The following CPAMD8 variants were observed in gnomAD, a reference collection of about 807,000 sequenced individuals.
CPAMD8 encodes C3 and PZP like alpha-2-macroglobulin domain containing 8.
In CPAMD8, 146 loss-of-function variants were observed where a neutral mutation model predicts 224.7. The ratio of observed to expected loss-of-function variants is 0.65; its 90% CI spans 0.57 to 0.75. The LOEUF (loss-of-function observed/expected upper bound fraction) is 0.75. Among genes scored for constraint, CPAMD8 ranks in the 30% least tolerant of loss-of-function variants. The probability of loss-of-function intolerance (pLI) is 0.00; values close to 1 mark genes in which losing one functional copy is unlikely to be tolerated. For synonymous variants in CPAMD8, 966 were observed against 1,044.6 expected, an observed-to-expected ratio of 0.92 and a Z score of 1.45; for missense variants, 2,301 against 2,537.5, an observed-to-expected ratio of 0.91 and a Z score of 2.00.
At chr19:16,955,068 C>T (rs980045088) in intron 19 of CPAMD8, among the ~76,000 whole-genome samples, 2 of 152,194 alleles carry the variant, frequency 1.3e-5, no homozygotes, top group African/African-American at 2.4e-5. Context: ...GCAGAGTTTG[C>T]AGTGAGCCGA....
rs761787467 is a variant in CPAMD8 at position 16,921,921 on chromosome 19, C to T, written c.3613G>A (p.Ala1205Thr). The change falls in exon 27 of 42, where the codon GCA (alanine) becomes ACA (threonine). Residue 1205 changes from alanine to threonine, a missense_variant. Physicochemically the swap from Ala to Thr is moderately conservative, Grantham distance 58 (BLOSUM62 0). Transcript: ENST00000443236. ...GSYSAFGERD[A>T]SGSMWLTAFV... Reference sequence around the variant, plus strand: ...GGGACTCACCACATGCTCCCCGATGCGTCCCGCTCCCCAAACGCGCTGTAG... The same window carrying T: ...GGGACTCACCACATGCTCCCCGATGTGTCCCGCTCCCCAAACGCGCTGTAG... 1.6e-5 allele frequency: 24 copies of T among 1,544,884 alleles called. No individual in the cohort carries two copies. The highest frequency in any genetic ancestry group is 5.5e-5 in the African/African-American group (4 of 73,016).
intron 15 of CPAMD8, 77 bp downstream of exon 15, chr19:16,977,291 C>A: frequency 2.2e-6 from 2 of 917,576 alleles, no homozygotes; most frequent in South Asian, 2.8e-5. Context: ...CAGGTGTGCA[C>A]AGACCCCCTG....
intron 13 of CPAMD8, among the ~76,000 whole-genome samples, chr19:16,987,203 T>G (rs1254196699): frequency 1.6e-5 from 2 of 128,420 alleles, no homozygotes; most frequent in Non-Finnish European, 3.2e-5. Flanking sequence ...TATATATATA[T>G]ATATATGTAT....
chr19:17,001,980 AC>A (rs1394421475), intron 9 of CPAMD8, among the ~76,000 whole-genome samples: 1 of 149,646 alleles, frequency 6.7e-6, no homozygotes, highest in East Asian at 2.0e-4. Context: ...GGAGGAGGAC[AC>A]CCCAGGGAGG....
At chr19:16,904,176 A>AGCCCCCCCCCCCCCCC in intron 32 of CPAMD8, 50 bp downstream of exon 32, 4 of 937,334 alleles carry the variant, frequency 4.3e-6, no homozygotes, top group Non-Finnish European at 6.7e-6. Context: ...GACTGCAGGG[A>AGCCCCCCCCCCCCCCC]CCCCACCCAC....
intron 17 of CPAMD8, among the ~76,000 whole-genome samples, chr19:16,972,112 C>T (rs116866928): frequency 0.021 from 3,204 of 152,178 alleles, 54 homozygotes; most frequent in Non-Finnish European, 0.03. Context: ...AATCAGTTGG[C>T]GCAGTACCTG....
At chr19:16,925,126 G>A (rs977343556) in intron 26 of CPAMD8, 70 bp downstream of exon 26, 98 of 1,547,438 alleles carry the variant, frequency 6.3e-5, no homozygotes, top group Non-Finnish European at 8.1e-5. Flanking sequence ...CTCCAGCGTG[G>A]TCTTCTCCAC....
intron 20 of CPAMD8, among the ~76,000 whole-genome samples, chr19:16,950,047 C>T (rs2054248675): frequency 6.6e-6 from 1 of 152,144 alleles, no homozygotes; most frequent in African/African-American, 2.4e-5. Context: ...CCTGTAATCC[C>T]AGCATTTTGG....
rs145652633 is a variant in CPAMD8, at chr19:16,951,420, C to T, written c.2508+549G>A. Among the ~76,000 whole-genome samples the T allele has an allele frequency of 8.1e-4, 123 of 152,214 alleles. 1 individual carries two copies. In the Middle Eastern group the frequency reaches 0.014, roughly 17 times the overall value. ...TGACAGGTGAAAATTCTATGGAGTT[C>T]GGATTTCAGTGTCTAGAAATCAAGT... is the stretch of plus-strand genomic sequence containing the variant. On this transcript the variant is annotated intron_variant, in intron 20 of 41. Transcript: ENST00000443236.
intron 6 of CPAMD8, chr19:17,009,084 G>A (rs528185319): frequency 4.0e-5 from 25 of 621,072 alleles, no homozygotes; most frequent in Admixed American, 9.8e-5. Flanking sequence ...GTGATAGAGC[G>A]AGACTCCATT....
chr19:16,981,321 AC>A, intron 13 of CPAMD8, among the ~76,000 whole-genome samples: 1 of 152,202 alleles, frequency 6.6e-6, no homozygotes, highest in African/African-American at 2.4e-5. Flanking sequence ...TGATCGCACC[AC>A]TGCACTCCAG....
At chr19:17,012,655 A>G (rs1185741235) in intron 3 of CPAMD8, among the ~76,000 whole-genome samples, 1 of 152,218 alleles carries the variant, frequency 6.6e-6, no homozygotes, top group Non-Finnish European at 1.5e-5. Context: ...GCTTTCAGCC[A>G]TGCTGAGGCT....
In CPAMD8 at chr19:16,983,307, C is replaced by G. The variant is rs145130859; in HGVS notation, c.1396-2621G>C. Among the ~76,000 whole-genome samples the G allele has an allele frequency of 6.4e-3, 969 of 152,154 alleles. 5 individuals carry two copies. The highest frequency in any genetic ancestry group is 0.022 in the African/African-American group (921 of 41,534). On this transcript the variant is annotated intron_variant, in intron 13 of 41. Coordinates refer to ENST00000443236, the MANE Select transcript of CPAMD8 (RefSeq NM_015692.5). ...ATCCCAGCCCAGGAGGCTGAGGCAGCAAAATTGCTTGAACCTGAGAGGCAG... is the reference window on the plus strand; with the variant it reads ...ATCCCAGCCCAGGAGGCTGAGGCAGGAAAATTGCTTGAACCTGAGAGGCAG...
At chr19:17,003,970 G>A (rs1473608843) in intron 8 of CPAMD8, among the ~76,000 whole-genome samples, 1 of 150,354 alleles carries the variant, frequency 6.7e-6, no homozygotes, top group African/African-American at 2.4e-5. Flanking sequence ...GCAGTAGTGC[G>A]ATCTTGGCTC....
chr19:16,930,372 T>C lies in CPAMD8; in HGVS notation c.2846-1132A>G, dbSNP rs1198946059. Among the ~76,000 whole-genome samples the C allele has an allele frequency of 2.6e-5, 4 of 152,068 alleles. No homozygotes were observed. In the East Asian group the frequency reaches 5.8e-4, roughly 22 times the overall value. On this transcript the variant is annotated intron_variant, in intron 23 of 41. Coordinates refer to ENST00000443236, the MANE Select transcript of CPAMD8 (RefSeq NM_015692.5). ...TGATATGAGTATCAGGAAACATAAA[T>C]GCACCAATTATTATGTGGGGAGAGG...
Position 16,929,227 on chromosome 19 carries a change from G to A in CPAMD8, c.2859C>T (p.Ile953=), listed in dbSNP as rs375563538. The change falls in exon 24 of 42, where the codon ATC becomes ATT. Residue 953 remains isoleucine (I), a synonymous_variant. Transcript: ENST00000443236. ...AFFCPSERVH[I]STPNKYEFQY... ...GGAACTCATACTTGTTGGGGGTGGA[G>A]ATGTGGACTCTCTCTGGATGGAGGA... 7 of 1,604,866 alleles carry A rather than the reference G, an allele frequency of 4.4e-6. No homozygotes were observed. Among genetic ancestry groups the A allele is most frequent in the Non-Finnish European group, 5.1e-6 (6 of 1,173,116 alleles).
intron 19 of CPAMD8, among the ~76,000 whole-genome samples, chr19:16,952,545 C>A (rs2054332334): frequency 6.6e-6 from 1 of 152,048 alleles, no homozygotes. Flanking sequence ...GGTATAGTGA[C>A]ACATGCCTGT....
intron 14 of CPAMD8, among the ~76,000 whole-genome samples, chr19:16,978,133 G>A (rs2122730157): frequency 6.6e-6 from 1 of 152,334 alleles, no homozygotes; most frequent in Non-Finnish European, 1.5e-5. Flanking sequence ...CCATCTGTCA[G>A]CTGGTTCTGT....
Position 16,911,097 on chromosome 19 carries a change from C to T in CPAMD8, c.3861+3327G>A, listed in dbSNP as rs538802515. Among the ~76,000 whole-genome samples, 14 of 152,178 alleles carry T rather than the reference C, an allele frequency of 9.2e-5. No individual in the cohort carries two copies. In the East Asian group the frequency reaches 1.3e-3, roughly 15 times the overall value. On this transcript the variant is annotated intron_variant, in intron 29 of 41. Coordinates refer to ENST00000443236, the MANE Select transcript of CPAMD8 (RefSeq NM_015692.5). ...AGCAGGTTTTGCCTCCTTTGGGGAACGATCTAAGACAGGGGTCCCCAACCT... is the reference window on the plus strand; with the variant it reads ...AGCAGGTTTTGCCTCCTTTGGGGAATGATCTAAGACAGGGGTCCCCAACCT...
Sources: allele counts gnomAD v4.1 joint callset (sites outside exome capture counted in the v4.1 genomes callset), GRCh38; gene constraint gnomAD v4.1.1; transcripts MANE v1.5; gene names NCBI Gene and HGNC (gene_info 2026-07-23, HGNC 2026-07-21).